MYH15: variants seen among roughly 807,000 people sequenced by gnomAD.
MYH15 encodes the protein myosin-15.
In MYH15, 227 loss-of-function variants were observed where a neutral mutation model predicts 240.5. That is an observed-to-expected ratio of 0.94 (90% CI 0.85 to 1.05). The LOEUF is 1.05. Among genes scored for constraint, MYH15 ranks in the 50% least tolerant of loss-of-function variants. The pLI is 0.00. For missense variants in MYH15, 2,217 were observed against 2,247.5 expected (o/e 0.99, Z 0.27); for synonymous variants, 785 against 796.7 (o/e 0.99, Z 0.25).
chr3:108,456,855 C>T lies in MYH15; in HGVS notation c.2049G>A (p.Gln683=). The T allele has an allele frequency of 1.2e-6, 2 of 1,613,142 alleles. No individual in the cohort carries two copies. The highest frequency in any genetic ancestry group is 1.7e-6 in the Non-Finnish European group (2 of 1,179,500). The stretch of plus-strand genomic sequence containing the variant: ...CCAAGACACCATTACAGCGCAACTG[C>T]TGTAGAACCAAGTAAGGGTCCAGTA... ...PGILDPYLVL[Q]QLRCNGVLEG... The change falls in exon 19 of 41, where the codon CAG becomes CAA. Residue 683 remains glutamine, a synonymous_variant. Coordinates refer to ENST00000693548, the MANE Select transcript of MYH15 (RefSeq NM_014981.3).
At position 108,444,670 on chromosome 3, in the gene MYH15, T is replaced by G; in HGVS notation, c.2625A>C (p.Glu875Asp). ...GAAGCTGAAGAATCAGGTCATTTTT[T>G]TCCTGAGTGAGGGATACTTGCTTTG... ...LKAKQVSLTQ[E>D]KNDLILQLQA... The change falls in exon 22 of 41, where the codon GAA (glutamate) becomes GAC (aspartate). Residue 875 changes from glutamate (E) to aspartate (D), a missense_variant. Transcript: ENST00000693548. The G allele has an allele frequency of 6.2e-7, 1 of 1,614,072 alleles. No homozygotes were observed. Among genetic ancestry groups the G allele is most frequent in the Non-Finnish European group, 8.5e-7 (1 of 1,179,956 alleles).
At chr3:108,465,565 A>G (rs2083108158) in intron 14 of MYH15, among the ~76,000 whole-genome samples, 1 of 152,198 alleles carries the variant, frequency 6.6e-6, no homozygotes, top group Admixed American at 6.5e-5. Flanking sequence ...AGTAGGGCTC[A>G]TGGGCTCAGT....
At chr3:108,497,000 A>C (rs566159567) in intron 6 of MYH15, among the ~76,000 whole-genome samples, 1 of 151,708 alleles carries the variant, frequency 6.6e-6, no homozygotes, top group South Asian at 2.1e-4. Flanking sequence ...TCTCTACTAA[A>C]AATACAAAAA....
At chr3:108,426,707 G>A (rs1232818869) in intron 27 of MYH15, among the ~76,000 whole-genome samples, 1 of 152,136 alleles carries the variant, frequency 6.6e-6, no homozygotes, top group Non-Finnish European at 1.5e-5. Flanking sequence ...GTGGTACTGT[G>A]AGGGCAGAGC....
intron 36 of MYH15, 134 bp downstream of exon 36, chr3:108,393,896 AG>A: frequency 8.0e-7 from 1 of 1,252,792 alleles, no homozygotes; most frequent in Non-Finnish European, 1.1e-6. Flanking sequence ...GGAGGCAGAG[AG>A]GTCAGACTAA....
At chr3:108,527,506 G>A (rs979058867) in intron 1 of MYH15, among the ~76,000 whole-genome samples, 2 of 152,040 alleles carry the variant, frequency 1.3e-5, no homozygotes, top group Admixed American at 1.3e-4. Flanking sequence ...GACAATTTAT[G>A]TTATTCTAAT....
rs148162788 is a variant in MYH15, at chr3:108,506,671, C to T, written c.89-842G>A. Among the ~76,000 whole-genome samples, 956 of 152,138 alleles carry T rather than the reference C, an allele frequency of 6.3e-3. 9 individuals are homozygous for T. The highest frequency in any genetic ancestry group is 0.019 in the African/African-American group (775 of 41,500). On this transcript the variant is annotated intron_variant, in intron 1 of 40. Transcript: ENST00000693548. ...AGGCCAAGGTGAGAGGATCTCTTGA[C>T]CCCAGGAGTTCAAGACTAGCCTGGG...
chr3:108,464,625 A>G lies in MYH15; in HGVS notation c.1731+13T>C. 3 of 1,595,262 alleles carry G rather than the reference A, an allele frequency of 1.9e-6. No homozygotes were observed. Among genetic ancestry groups the G allele is most frequent in the Non-Finnish European group, 2.6e-6 (3 of 1,172,402 alleles). On this transcript the variant is annotated intron_variant, in intron 15 of 40. Coordinates refer to ENST00000693548, the MANE Select transcript of MYH15 (RefSeq NM_014981.3). ...CAGGAAAATTCAAGACCGGGGGTCC[A>G]GAGGTAACTCACCACTCCTGCATAA...
At chr3:108,526,037 T>C (rs1021696626) in intron 1 of MYH15, among the ~76,000 whole-genome samples, 1 of 152,138 alleles carries the variant, frequency 6.6e-6, no homozygotes, top group East Asian at 1.9e-4. Context: ...TGTTCTGAGC[T>C]GCTCATCTAT....
chr3:108,549,369 A>G, the MYH15 span, among the ~76,000 whole-genome samples: 1 of 152,014 alleles, frequency 6.6e-6, no homozygotes, highest in African/African-American at 2.4e-5. Flanking sequence ...GAAAGGTGTT[A>G]CAAGAGACAG....
intron 28 of MYH15, among the ~76,000 whole-genome samples, chr3:108,418,316 A>C (rs1231782803): frequency 6.6e-6 from 1 of 152,236 alleles, no homozygotes; most frequent in African/African-American, 2.4e-5. Context: ...TTGAGATGTA[A>C]TAAAATTCAT....
intron 9 of MYH15, among the ~76,000 whole-genome samples, chr3:108,488,824 G>A (rs2083325434): frequency 6.6e-6 from 1 of 152,126 alleles, no homozygotes; most frequent in South Asian, 2.1e-4. Context: ...TGGATCATAT[G>A]GTAGTTCTGT....
intron 39 of MYH15, 83 bp downstream of exon 39, chr3:108,384,604 T>C (rs1000942650): frequency 7.9e-7 from 1 of 1,272,346 alleles, no homozygotes; most frequent in Non-Finnish European, 1.1e-6. Context: ...GACAAGCTGC[T>C]TGCTGAGCTC....
chr3:108,506,770 C>T (rs187511987), intron 1 of MYH15, among the ~76,000 whole-genome samples: 6 of 152,308 alleles, frequency 3.9e-5, no homozygotes, highest in Admixed American at 2.0e-4. Context: ...CAGTGGCTCA[C>T]GCCTGTAATC....
At chr3:108,400,935 C>T (rs188398101) in intron 33 of MYH15, among the ~76,000 whole-genome samples, 1 of 152,270 alleles carries the variant, frequency 6.6e-6, no homozygotes, top group East Asian at 1.9e-4. Flanking sequence ...AGGGAGGCCT[C>T]AGAAGCAATT....
chr3:108,407,814 G>C (rs768400399), intron 32 of MYH15, among the ~76,000 whole-genome samples: 33 of 152,172 alleles, frequency 2.2e-4, no homozygotes, highest in Non-Finnish European at 2.6e-4. Flanking sequence ...TACATGCCAG[G>C]CAATGTTCTA....
At chr3:108,476,055 A>G (rs1453029469) in intron 12 of MYH15, among the ~76,000 whole-genome samples, 1 of 152,186 alleles carries the variant, frequency 6.6e-6, no homozygotes, top group Non-Finnish European at 1.5e-5. Context: ...AAGCATGCCA[A>G]TTTGCCAATT....
rs2107229090 is a variant in MYH15, at chr3:108,495,861, T to G, written c.630A>C (p.Glu210Asp). The change falls in exon 7 of 41, where the codon GAA becomes GAC. Residue 210 changes from glutamate (E) to aspartate (D), a missense_variant. By Grantham distance (45) the Glu-to-Asp change is conservative. Transcript: ENST00000693548. ...IESRKKQGAL[E>D]DQIMQANTIL... The stretch of plus-strand genomic sequence containing the variant: ...TAGTATTCGCTTGCATGATTTGATC[T>G]TCTAACGCCCCCTGAGACACATGCA... 6.2e-7 allele frequency: 1 copy of G among 1,609,178 alleles called. No individual in the cohort carries two copies. The highest frequency in any genetic ancestry group is 8.5e-7 in the Non-Finnish European group (1 of 1,177,764).
chr3:108,497,022 A>G (rs2107231012), intron 6 of MYH15, among the ~76,000 whole-genome samples: 1 of 151,662 alleles, frequency 6.6e-6, no homozygotes, highest in Non-Finnish European at 1.5e-5. Flanking sequence ...TTAGCCGGGC[A>G]CGGTGGCGGG....
Sources: gnomAD v4.1 joint callset for allele counts (sites outside exome capture counted in the v4.1 genomes callset) on GRCh38, gnomAD v4.1.1 for gene constraint, MANE v1.5 for transcripts, NCBI Gene and HGNC (gene_info 2026-07-23, HGNC 2026-07-21) for gene names.